The following C2 variants were observed in gnomAD, a reference collection of about 807,000 sequenced individuals.
C2 encodes C3/C5 convertase.
In C2, 64 loss-of-function variants were observed where a neutral mutation model predicts 85.2. That is an observed-to-expected ratio of 0.75 (90% CI 0.61 to 0.92). The LOEUF is 0.92. Ranked by LOEUF, C2 falls within the 40% of genes least tolerant of loss-of-function variation. C2 has a pLI of 0.00. For synonymous variants in C2, 311 were observed against 370.8 expected, an observed-to-expected ratio of 0.84 and a Z score of 1.85; for missense variants, 820 against 971.6, an observed-to-expected ratio of 0.84 and a Z score of 2.07.
chr6:31,939,763 A>G (rs1238558353), intron 9 of C2, among the ~76,000 whole-genome samples: 2 of 151,886 alleles, frequency 1.3e-5, no homozygotes, highest in Non-Finnish European at 2.9e-5. Context: ...CGTCTTCACA[A>G]ATTTTTTAAA....
upstream of C2, chr6:31,900,501 G>A (rs765425840): frequency 3.1e-6 from 5 of 1,610,748 alleles, no homozygotes; most frequent in African/African-American, 1.3e-5. The surrounding 1 kb of genome is among the most constrained non-coding windows in gnomAD (Gnocchi z 9.7). Flanking sequence ...TCTTCCGACA[G>A]GCTATAGCAG....
chr6:31,932,108 G>A (rs1335438324), intron 3 of C2, among the ~76,000 whole-genome samples: 1 of 130,906 alleles, frequency 7.6e-6, no homozygotes, highest in Non-Finnish European at 1.6e-5. Flanking sequence ...GCGGCTGGCC[G>A]GGCGAGGGGC....
chr6:31,910,362 C>G (rs1251030578), intron 1 of C2, among the ~76,000 whole-genome samples: 2 of 145,994 alleles, frequency 1.4e-5, no homozygotes, highest in African/African-American at 5.1e-5. Flanking sequence ...TTGACAAGGT[C>G]TCACTCTGTT....
chr6:31,912,515 T>C (rs1050241144), intron 1 of C2, among the ~76,000 whole-genome samples: 10 of 152,176 alleles, frequency 6.6e-5, no homozygotes, highest in African/African-American at 9.7e-5. Flanking sequence ...TTTATCTCAT[T>C]CTCTCTGGGT....
At chr6:31,919,140 TTTTC>T (rs368745047), upstream of C2, among the ~76,000 whole-genome samples, 3,203 of 148,314 alleles carry the variant, frequency 0.022, 38 homozygotes, top group Non-Finnish European at 0.024. Context: ...TTTTCTTTTC[TTTTC>T]TTTTTTTTTT....
chr6:31,923,961 G>C (rs770585466), upstream of C2, among the ~76,000 whole-genome samples: 51 of 149,976 alleles, frequency 3.4e-4, no homozygotes, highest in Admixed American at 6.7e-4. Flanking sequence ...CACCGCGCCC[G>C]GCTAATTATT....
chr6:31,903,213 C>T (rs1319463068), intron 1 of C2, among the ~76,000 whole-genome samples: 1 of 152,222 alleles, frequency 6.6e-6, no homozygotes, highest in African/African-American at 2.4e-5. Context: ...GAGACTAGTG[C>T]GTTTTCCATA....
upstream of C2, chr6:31,927,460 G>A (rs1769342543): frequency 1.4e-6 from 2 of 1,398,638 alleles, no homozygotes. This position sits in a 1 kb window ranked among gnomAD's most constrained non-coding sequence, Gnocchi z 4.7. Flanking sequence ...GTGCACATGT[G>A]CACGCATGGG....
At chr6:31,901,311 C>T (rs758773664) in intron 1 of C2, 23 of 1,601,140 alleles carry the variant, frequency 1.4e-5, no homozygotes, top group Admixed American at 1.4e-4. Context: ...GCCATTGTGG[C>T]GGGGGTGGGC....
rs4151666 is a variant in C2, at chr6:31,945,081, T to C, written c.2079+52T>C. 1.5e-3 allele frequency: 2,469 copies of C among 1,610,748 alleles called. 7 individuals are homozygous for C. Among genetic ancestry groups the C allele is most frequent in the Non-Finnish European group, 1.8e-3 (2,166 of 1,178,058 alleles). On this transcript the variant is annotated intron_variant, in intron 17 of 17. Coordinates refer to ENST00000299367, the MANE Select transcript of C2 (RefSeq NM_000063.6). The surrounding 1 kb of genome is among the most constrained non-coding windows in gnomAD (Gnocchi z 5.3). The stretch of plus-strand genomic sequence containing the variant: ...CAGGGGTTACAGGATCTCAGCCTTG[T>C]TGGGGGGATGAGGGAGGCCTTTGAG...
upstream of C2, among the ~76,000 whole-genome samples, chr6:31,915,024 C>G (rs1032423377): frequency 4.6e-5 from 7 of 152,150 alleles, no homozygotes; most frequent in East Asian, 1.2e-3. Flanking sequence ...TGGTCTATGC[C>G]TCAACGTTGG....
In C2 at chr6:31,944,267, C is replaced by A; in HGVS notation, c.1902+41C>A. On this transcript the variant is annotated intron_variant, in intron 15 of 17. Transcript: ENST00000299367. This position sits in a 1 kb window ranked among gnomAD's most constrained non-coding sequence, Gnocchi z 5.1. Reference sequence around the variant, plus strand: ...TGGGGATGCTGGGATCCCCCTGTGACAGCTCCCAGAATGTCTCTCTTCCTT... The same window carrying A: ...TGGGGATGCTGGGATCCCCCTGTGAAAGCTCCCAGAATGTCTCTCTTCCTT... 1 of 1,334,420 alleles carries A rather than the reference C, an allele frequency of 7.5e-7. No homozygotes were observed. Among genetic ancestry groups the A allele is most frequent in the Non-Finnish European group, 1.1e-6 (1 of 926,298 alleles). 82.7% of individuals were successfully genotyped at this position (1,334,420 alleles called of 1,614,324 possible).
In C2 at chr6:31,933,919, C is replaced by T; in HGVS notation, c.669C>T (p.Ser223=). The change falls in exon 5 of 18, where the codon TCC becomes TCT. Residue 223 remains serine (S), a synonymous_variant. Transcript: ENST00000299367. ...ACGTGGCCCCTGCCCTGGGCACTTC[C>T]TTCTCCCACATGCTTGGGGCCACCA... ...PEDVAPALGT[S]FSHMLGATNP... 1 of 1,614,214 alleles carries T rather than the reference C, an allele frequency of 6.2e-7. No individual in the cohort carries two copies. Among genetic ancestry groups the T allele is most frequent in the East Asian group, 2.2e-5 (1 of 44,890 alleles).
At chr6:31,942,344 CT>C (rs1238574411) in intron 9 of C2, among the ~76,000 whole-genome samples, 1 of 149,710 alleles carries the variant, frequency 6.7e-6, no homozygotes, top group Non-Finnish European at 1.5e-5. Context: ...TGCAAAGACC[CT>C]TTTTCCAAAT....
Position 31,943,182 on chromosome 6 carries a change from C to T in C2, c.1361-43C>T, listed in dbSNP as rs1262870922. ...CCGTGTTGGGAACCTGGACACAGTGCCCCTCACTTGCCTCCTTCCCCATCT... is the reference window on the plus strand; with the variant it reads ...CCGTGTTGGGAACCTGGACACAGTGTCCCTCACTTGCCTCCTTCCCCATCT... On this transcript the variant is annotated intron_variant, in intron 10 of 17. Transcript: ENST00000299367. This position sits in a 1 kb window ranked among gnomAD's most constrained non-coding sequence, Gnocchi z 6.4. 7 of 1,611,336 alleles carry T rather than the reference C, an allele frequency of 4.3e-6. No individual in the cohort carries two copies. Among genetic ancestry groups the T allele is most frequent in the African/African-American group, 1.3e-5 (1 of 74,882 alleles).
chr6:31,899,393 G>C (rs1021432118), upstream of C2, among the ~76,000 whole-genome samples: 15 of 151,736 alleles, frequency 9.9e-5, no homozygotes, highest in Non-Finnish European at 2.2e-4. Flanking sequence ...CATACTCGCA[G>C]TCTCATTTCC....
upstream of C2, chr6:31,900,655 C>T (rs1376709051): frequency 2.5e-6 from 4 of 1,612,756 alleles, no homozygotes; most frequent in Non-Finnish European, 3.4e-6. The surrounding 1 kb of genome is among the most constrained non-coding windows in gnomAD (Gnocchi z 9.7). Context: ...GTGCCACCTC[C>T]AGGGCCGACT....
rs571719996 is a variant in C2, at chr6:31,911,640, T to C, written c.73+10501T>C. 4.4e-3 allele frequency among the ~76,000 whole-genome samples: 669 copies of C among 151,754 alleles called. 1 individual carries two copies. Among genetic ancestry groups the C allele is most frequent in the Non-Finnish European group, 6.5e-3 (443 of 67,912 alleles). On this transcript the variant is annotated intron_variant, in intron 1 of 3. Coordinates refer to the C2 transcript ENST00000452202. ...TCTGTGTTTCTTTCTTTTTTTTTTT[T>C]TCTCTCTCTTTTTTTTTTGAGACAG...
upstream of C2, chr6:31,897,798 G>A: frequency 4.0e-6 from 4 of 989,528 alleles, no homozygotes; most frequent in Non-Finnish European, 3.7e-6. Context: ...TTTCCCCTGA[G>A]AGCGGCCTCG....
Sources: gnomAD v4.1 joint callset for allele counts (sites outside exome capture counted in the v4.1 genomes callset) on GRCh38, gnomAD v4.1.1 for gene constraint, Gnocchi (gnomAD v3.1) non-coding constraint, MANE v1.5 for transcripts, NCBI Gene and HGNC (gene_info 2026-07-23, HGNC 2026-07-21) for gene names.